Variants in KCNH8 observed in about 807,000 individuals in gnomAD.
KCNH8 encodes potassium voltage-gated channel subfamily H member 8, also known as voltage-gated delayed rectifier potassium channel KCNH8.
In KCNH8, 70 loss-of-function variants were observed where a neutral mutation model predicts 103.6. The observed-to-expected ratio is 0.68, with a 90% confidence interval of 0.56 to 0.82. The LOEUF is 0.82. KCNH8 is among the 40% of genes least tolerant of loss of function. The pLI, the probability that KCNH8 is intolerant of heterozygous loss-of-function variation, is 0.00. For synonymous variants in KCNH8, 498 were observed against 489.4 expected, an observed-to-expected ratio of 1.02 and a Z score of -0.23; for missense variants, 1,217 against 1,329.9, an observed-to-expected ratio of 0.92 and a Z score of 1.32.
chr3:19,160,264 T>G (rs1310222610), intron 1 of KCNH8, among the ~76,000 whole-genome samples: 1 of 152,172 alleles, frequency 6.6e-6, no homozygotes. Context: ...CTTGGACATA[T>G]TTTGTGAAGC....
chr3:19,156,984 A>T (rs537819314), intron 1 of KCNH8, among the ~76,000 whole-genome samples: 135 of 137,094 alleles, frequency 9.8e-4, no homozygotes, highest in East Asian at 7.3e-3. Context: ...TTTTTTTTTA[A>T]AAAAAAGGTT....
rs1286863809 is a variant in KCNH8 at position 19,438,213 on chromosome 3, C to T, written c.1227C>T (p.Asn409=). ...GKRLESPYYG[N]NTLGGPSIRS... ...GACTGGAATCTCCATACTATGGCAA[C>T]AATACCTTGGGGGGCCCGTCGATCC... Residue 409 remains asparagine (N), a synonymous_variant, in exon 8 of 16, where the codon AAC becomes AAT. Transcript: ENST00000328405. 6.2e-7 allele frequency: 1 copy of T among 1,613,968 alleles called. No homozygotes were observed. The highest frequency in any genetic ancestry group is 8.5e-7 in the Non-Finnish European group (1 of 1,180,018).
intron 3 of KCNH8, among the ~76,000 whole-genome samples, chr3:19,317,934 C>T (rs1426990632): frequency 6.6e-5 from 10 of 151,950 alleles, no homozygotes; most frequent in Admixed American, 6.6e-4. Context: ...GATGCCCTCT[C>T]TCACCAATCC....
chr3:19,481,601 A>G (rs903360359), intron 11 of KCNH8, among the ~76,000 whole-genome samples: 1 of 152,146 alleles, frequency 6.6e-6, no homozygotes, highest in Non-Finnish European at 1.5e-5. Flanking sequence ...AGTTTCATGC[A>G]TTTTTTTCTT....
At chr3:19,372,809 T>G (rs1199365135) in intron 5 of KCNH8, among the ~76,000 whole-genome samples, 15 of 152,090 alleles carry the variant, frequency 9.9e-5, no homozygotes, top group East Asian at 3.9e-4. Flanking sequence ...TTATTGAGAG[T>G]TTTTAGCATG....
chr3:19,393,301 G>A (rs979207114), intron 6 of KCNH8, among the ~76,000 whole-genome samples: 3 of 152,092 alleles, frequency 2.0e-5, no homozygotes, highest in East Asian at 1.9e-4. Flanking sequence ...TACTGACTCC[G>A]ATGGGAGCAA....
intron 1 of KCNH8, among the ~76,000 whole-genome samples, chr3:19,150,614 T>G (rs2063119684): frequency 6.6e-6 from 1 of 152,160 alleles, no homozygotes; most frequent in Admixed American, 6.5e-5. Context: ...ACTATAGTGA[T>G]ATGCATGATA....
At chr3:19,413,703 T>C (rs1024713406) in intron 7 of KCNH8, among the ~76,000 whole-genome samples, 8 of 152,008 alleles carry the variant, frequency 5.3e-5, no homozygotes, top group African/African-American at 1.9e-4. Flanking sequence ...TTCCAGCCTC[T>C]AGCACTTGGG....
chr3:19,334,609 T>C (rs570288226), intron 3 of KCNH8, among the ~76,000 whole-genome samples: 54 of 152,004 alleles, frequency 3.6e-4, no homozygotes, highest in African/African-American at 1.3e-3. Context: ...CTCATGTTCA[T>C]TGGCAGATAT....
At chr3:19,325,956 G>A (rs1203618514) in intron 3 of KCNH8, among the ~76,000 whole-genome samples, 3 of 152,128 alleles carry the variant, frequency 2.0e-5, no homozygotes, top group Admixed American at 1.3e-4. Context: ...ATCAATGATA[G>A]AATGGACAAA....
At chr3:19,227,795 C>T (rs1432410043) in intron 1 of KCNH8, among the ~76,000 whole-genome samples, 5 of 152,092 alleles carry the variant, frequency 3.3e-5, no homozygotes, top group South Asian at 2.1e-4. Flanking sequence ...GGGTCAAAGT[C>T]GGTGGTCATG....
intron 1 of KCNH8, among the ~76,000 whole-genome samples, chr3:19,205,656 G>GGTGGGGAGCAGTAATAGCATCAAGGAA (rs1201499066): frequency 6.6e-6 from 1 of 151,894 alleles, no homozygotes; most frequent in African/African-American, 2.4e-5. Context: ...GACCTGGGGT[G>GGTGGGGAGCAGTAATAGCATCAAGGAA]GTGGGGAGCA....
At chr3:19,321,150 A>G (rs1212774114) in intron 3 of KCNH8, among the ~76,000 whole-genome samples, 2 of 151,624 alleles carry the variant, frequency 1.3e-5, no homozygotes, top group East Asian at 3.9e-4. Flanking sequence ...TGGTTCATTT[A>G]TTTTTTGTAT....
intron 8 of KCNH8, among the ~76,000 whole-genome samples, chr3:19,447,219 C>A (rs1276228647): frequency 6.6e-6 from 1 of 152,004 alleles, no homozygotes; most frequent in Non-Finnish European, 1.5e-5. Flanking sequence ...ACAGAATGGT[C>A]ATAATAACTT....
intron 13 of KCNH8, among the ~76,000 whole-genome samples, chr3:19,513,752 A>G (rs1436712704): frequency 3.3e-5 from 5 of 152,168 alleles, no homozygotes; most frequent in Non-Finnish European, 7.3e-5. Context: ...TTTATTTTTC[A>G]TACTATTCTT....
chr3:19,162,278 G>A (rs1314792408), intron 1 of KCNH8, among the ~76,000 whole-genome samples: 7 of 151,496 alleles, frequency 4.6e-5, no homozygotes, highest in East Asian at 2.0e-4. Context: ...TTGGGATACC[G>A]AGGCAGGTGG....
rs150843303 is a variant in KCNH8 at position 19,285,790 on chromosome 3, C to G, written c.442+4461C>G. ...TTATGTTTTTTCTCCCTCACTTGCC[C>G]TCGGCAAAGTGCTCGTAATCTTATG... On this transcript the variant is annotated intron_variant, in intron 3 of 15. Transcript: ENST00000328405. Among the ~76,000 whole-genome samples, 345 of 152,104 alleles carry G rather than the reference C, an allele frequency of 2.3e-3. 1 individual carries two copies. Among genetic ancestry groups the G allele is most frequent in the Non-Finnish European group, 4.0e-3 (273 of 68,022 alleles).
At chr3:19,390,390 T>G (rs2066419003) in intron 5 of KCNH8, 91 bp from the exon 6 acceptor site, 1 of 974,590 alleles carries the variant, frequency 1.0e-6, no homozygotes, top group South Asian at 1.6e-5. Context: ...CCTGTCTCCC[T>G]TCCTTTCTTC....
chr3:19,494,194 G>C (rs1283368788), intron 11 of KCNH8, among the ~76,000 whole-genome samples: 2 of 152,176 alleles, frequency 1.3e-5, no homozygotes, highest in Non-Finnish European at 2.9e-5. Context: ...TGGCTGCATA[G>C]TATTCCACAG....
Sources: gnomAD v4.1 joint callset for allele counts (sites outside exome capture counted in the v4.1 genomes callset) on GRCh38, gnomAD v4.1.1 for gene constraint, MANE v1.5 for transcripts, NCBI Gene and HGNC (gene_info 2026-07-23, HGNC 2026-07-21) for gene names.